Variants in GRB10 observed in about 807,000 individuals in gnomAD.
The protein encoded by GRB10 is growth factor receptor-bound protein 10.
A neutral mutation model predicts 80.9 loss-of-function variants in GRB10; 20 were observed. The ratio of observed to expected loss-of-function variants is 0.25; its 90% CI spans 0.17 to 0.36. GRB10 has a LOEUF of 0.36. Among genes scored for constraint, GRB10 ranks in the 10% least tolerant of loss-of-function variants. The pLI, the probability that GRB10 is intolerant of heterozygous loss-of-function variation, is 1.00. For synonymous variants in GRB10, 291 were observed against 291.5 expected (o/e 1.00, Z 0.02); for missense variants, 548 against 747.7 (o/e 0.73, Z 3.12).
chr7:50,764,722 G>GC (rs2076147977), intron 2 of GRB10, among the ~76,000 whole-genome samples: 1 of 152,154 alleles, frequency 6.6e-6, no homozygotes, highest in Non-Finnish European at 1.5e-5. Context: ...CCAACTTCAT[G>GC]CAAGGATGAA....
intron 5 of GRB10, among the ~76,000 whole-genome samples, chr7:50,680,044 G>C (rs770486913): frequency 6.6e-6 from 1 of 152,106 alleles, no homozygotes; most frequent in Non-Finnish European, 1.5e-5. Context: ...AGAAAACCAG[G>C]TATTATATGG....
At chr7:50,662,284 G>A (rs187717089) in intron 7 of GRB10, among the ~76,000 whole-genome samples, 418 of 152,312 alleles carry the variant, frequency 2.7e-3, no homozygotes, top group South Asian at 5.0e-3. Flanking sequence ...CCTCTCCGAT[G>A]GTCATGACCC....
intron 2 of GRB10, among the ~76,000 whole-genome samples, chr7:50,756,293 G>A (rs976773323): frequency 6.6e-6 from 1 of 152,218 alleles, no homozygotes; most frequent in Non-Finnish European, 1.5e-5. Context: ...TGGGCTCTAC[G>A]CTCACTGCCC....
At chr7:50,650,392 G>T (rs1357113349) in intron 7 of GRB10, among the ~76,000 whole-genome samples, 1 of 152,208 alleles carries the variant, frequency 6.6e-6, no homozygotes, top group African/African-American at 2.4e-5. Context: ...TGGGAGGTCT[G>T]CAGAAAAGCA....
intron 2 of GRB10, among the ~76,000 whole-genome samples, chr7:50,777,463 T>C (rs1195031341): frequency 2.2e-5 from 1 of 45,936 alleles, no homozygotes; most frequent in Non-Finnish European, 6.0e-5. Flanking sequence ...CACACACCAT[T>C]GCACATATCT....
At chr7:50,756,979 A>G (rs1021401457) in intron 2 of GRB10, among the ~76,000 whole-genome samples, 3 of 152,154 alleles carry the variant, frequency 2.0e-5, no homozygotes, top group Admixed American at 6.5e-5. Flanking sequence ...GGGTGATCTC[A>G]ACAGATCCCT....
chr7:50,594,203 C>A (rs889143143), intron 18 of GRB10, among the ~76,000 whole-genome samples: 1 of 152,222 alleles, frequency 6.6e-6, no homozygotes, highest in African/African-American at 2.4e-5. Context: ...CTGTTCCTCA[C>A]CCCAGTGCGG....
At chr7:50,665,015 T>C (rs1331471035) in intron 7 of GRB10, among the ~76,000 whole-genome samples, 1 of 152,166 alleles carries the variant, frequency 6.6e-6, no homozygotes, top group Non-Finnish European at 1.5e-5. Context: ...CTTAAATAAA[T>C]CAAACCACTG....
At chr7:50,641,535 T>C (rs2056269921) in intron 7 of GRB10, among the ~76,000 whole-genome samples, 1 of 152,206 alleles carries the variant, frequency 6.6e-6, no homozygotes, top group Non-Finnish European at 1.5e-5. Context: ...AAAAGGACTT[T>C]CTTCAGGCCA....
intron 2 of GRB10, among the ~76,000 whole-genome samples, chr7:50,759,192 CAAAAA>C (rs57526722): frequency 8.8e-6 from 1 of 113,632 alleles, no homozygotes; most frequent in Admixed American, 9.5e-5. Context: ...GACTCTGCCT[CAAAAA>C]AAAAAAAAAA....
At chr7:50,773,323 T>C (rs927803717) in intron 2 of GRB10, among the ~76,000 whole-genome samples, 2 of 133,000 alleles carry the variant, frequency 1.5e-5, no homozygotes, top group Non-Finnish European at 3.1e-5. Context: ...AGGACAGCTA[T>C]AAGGAAAGAA....
At position 50,669,743 on chromosome 7, in the gene GRB10, C is replaced by T. The variant is rs200588799; in HGVS notation, c.483G>A (p.Pro161=). Residue 161 remains proline, a synonymous_variant, in exon 7 of 19, where the codon CCG becomes CCA. Transcript: ENST00000401949. ...TCACCTGCTTTGCGGCGGCCTGGCT[C>T]GGAGGTAAAGAACCCGGCGTGAGCA... ...PPVLTPGSLP[P]SQAAAKQDVK... 1.1e-5 allele frequency: 17 copies of T among 1,613,402 alleles called. No individual in the cohort carries two copies. The highest frequency in any genetic ancestry group is 1.3e-5 in the Non-Finnish European group (15 of 1,179,980).
rs386410128 is a variant in GRB10, at chr7:50,684,267, C to CAAAAAAAAAAAAA, written c.140-9622_140-9610dup. Among the ~76,000 whole-genome samples, 32 of 62,296 alleles carry CAAAAAAAAAAAAA rather than the reference C, an allele frequency of 5.1e-4. 2 individuals are homozygous for CAAAAAAAAAAAAA. Among genetic ancestry groups the CAAAAAAAAAAAAA allele is most frequent in the African/African-American group, 2.2e-3 (31 of 14,178 alleles). The allele number at this position is 62,296 out of a possible 152,430, so 40.9% of individuals were successfully genotyped here. On this transcript the variant is annotated intron_variant, in intron 5 of 18. Coordinates refer to ENST00000401949, the MANE Select transcript of GRB10 (RefSeq NM_001350814.2). ...CAGACAACTGCAACTCAATCATCAC[C>CAAAAAAAAAAAAA]AAAAAAAAAAAAAAAAAAAAAGGTA...
In GRB10 at chr7:50,595,453, T is replaced by C. The variant is rs1217234517; in HGVS notation, c.1622A>G (p.Asn541Ser). 1 of 1,588,680 alleles carries C rather than the reference T, an allele frequency of 6.3e-7. No individual in the cohort carries two copies. The highest frequency in any genetic ancestry group is 2.2e-5 in the East Asian group (1 of 44,750). ...AATACTTACAGGTAAGATCTGGAAA[T>C]TTTTAATTTTCTGGTGATGACACAG... ...LTLCHHQKIK[N>S]FQILPCEDDG... The change falls in exon 18 of 19, where the codon AAT (asparagine) becomes AGT (serine). Residue 541 changes from asparagine (N) to serine (S), a missense_variant. By Grantham distance (46) the Asn-to-Ser change is conservative (BLOSUM62 1). Transcript: ENST00000401949.
At chr7:50,669,918 C>T in intron 6 of GRB10, 55 bp from the exon 7 acceptor site, 1 of 1,559,094 alleles carries the variant, frequency 6.4e-7, no homozygotes, top group African/African-American at 1.4e-5. Context: ...CATGACCCAG[C>T]CTTACCACTG....
At chr7:50,619,805 C>T (rs2051339527) in intron 8 of GRB10, among the ~76,000 whole-genome samples, 1 of 152,140 alleles carries the variant, frequency 6.6e-6, no homozygotes, top group African/African-American at 2.4e-5. Flanking sequence ...ACTGTACGTA[C>T]ATACTCATCT....
At chr7:50,753,652 C>T (rs2074534398) in intron 3 of GRB10, among the ~76,000 whole-genome samples, 1 of 152,222 alleles carries the variant, frequency 6.6e-6, no homozygotes, top group African/African-American at 2.4e-5. Flanking sequence ...GAGGAAGCAC[C>T]CCACCAAATG....
chr7:50,593,621 G>A (rs1392583195), intron 18 of GRB10, among the ~76,000 whole-genome samples: 20 of 152,164 alleles, frequency 1.3e-4, no homozygotes, highest in Admixed American at 1.3e-3. Flanking sequence ...TGAATATGGG[G>A]CAGTTATTTT....
chr7:50,755,299 G>T (rs779876841), intron 3 of GRB10, among the ~76,000 whole-genome samples: 1 of 152,204 alleles, frequency 6.6e-6, no homozygotes, highest in African/African-American at 2.4e-5. Flanking sequence ...CAAAGAGAAG[G>T]TCCATTCCCA....
Sources: allele counts gnomAD v4.1 joint callset (sites outside exome capture counted in the v4.1 genomes callset), GRCh38; gene constraint gnomAD v4.1.1; transcripts MANE v1.5; gene names NCBI Gene and HGNC (gene_info 2026-07-23, HGNC 2026-07-21).